The following TP63 variants were observed in gnomAD, a reference collection of about 807,000 sequenced individuals.
TP63 encodes tumor protein 63.
A neutral mutation model predicts 82.8 loss-of-function variants in TP63; 17 were observed. The observed-to-expected ratio is 0.21, with a 90% CI of 0.14 to 0.31. The LOEUF is 0.31. Among genes scored for constraint, TP63 ranks in the 10% least tolerant of loss-of-function variants. The pLI is 1.00. For missense variants in TP63, 648 were observed against 895.3 expected, an observed-to-expected ratio of 0.72 and a Z score of 3.52; for synonymous variants, 330 against 321.7, an observed-to-expected ratio of 1.03 and a Z score of -0.28.
At chr3:189,781,215 T>A (rs558741830) in intron 3 of TP63, among the ~76,000 whole-genome samples, 4 of 152,312 alleles carry the variant, frequency 2.6e-5, no homozygotes, top group Non-Finnish European at 5.9e-5. Context: ...CACATTTACA[T>A]ATACCATTTC....
At chr3:189,714,536 G>A (rs1465611791) in intron 1 of TP63, among the ~76,000 whole-genome samples, 3 of 152,172 alleles carry the variant, frequency 2.0e-5, no homozygotes, top group Non-Finnish European at 4.4e-5. Context: ...TTTCTTTTCT[G>A]TCCATCCTAG....
chr3:189,652,447 A>G (rs1712975193), intron 1 of TP63, among the ~76,000 whole-genome samples: 1 of 146,922 alleles, frequency 6.8e-6, no homozygotes, highest in Non-Finnish European at 1.5e-5. Context: ...CAATGCCTGT[A>G]CCCTTATTGT....
chr3:189,602,010 A>G, the TP63 span, among the ~76,000 whole-genome samples: 1 of 152,164 alleles, frequency 6.6e-6, no homozygotes, highest in African/African-American at 2.4e-5. Context: ...GTGAGTGTGA[A>G]AGAGTGGGAA....
chr3:189,814,718 G>A (rs1174689155), intron 4 of TP63, among the ~76,000 whole-genome samples: 3 of 152,274 alleles, frequency 2.0e-5, no homozygotes, highest in South Asian at 4.1e-4. Context: ...TTCATTGTAA[G>A]GCATGCTTCC....
intron 3 of TP63, among the ~76,000 whole-genome samples, chr3:189,776,826 C>T (rs536269485): frequency 2.0e-5 from 3 of 152,260 alleles, no homozygotes; most frequent in South Asian, 2.1e-4. Flanking sequence ...CACTTCTCTA[C>T]GCAGGATAAG....
rs78145285 is a variant in TP63, at chr3:189,871,712, A to G, written c.1213-1147A>G. ...CCTCACTCTAGTCCTGGCCCGGCTC[A>G]TCCGTTTTTTTGGTTTTTGTTTGTT... On this transcript the variant is annotated intron_variant, in intron 9 of 13. Coordinates refer to ENST00000264731, the MANE Select transcript of TP63 (RefSeq NM_003722.5). 1.0e-3 allele frequency among the ~76,000 whole-genome samples: 155 copies of G among 152,166 alleles called. 2 individuals carry two copies. Among genetic ancestry groups the G allele is most frequent in the African/African-American group, 3.6e-3 (148 of 41,530 alleles).
intron 1 of TP63, among the ~76,000 whole-genome samples, chr3:189,698,488 G>C (rs73195990): frequency 0.17 from 25,442 of 152,046 alleles, 2,726 homozygotes; most frequent in Non-Finnish European, 0.23. Context: ...AGGGGGAATA[G>C]AGAATGTAAT....
chr3:189,670,292 A>G (rs1307264088), intron 1 of TP63, among the ~76,000 whole-genome samples: 1 of 152,032 alleles, frequency 6.6e-6, no homozygotes, highest in African/African-American at 2.4e-5. Flanking sequence ...GGTACAGAAG[A>G]TCCAAACAAC....
At chr3:189,809,279 T>C (rs1727275376) in intron 4 of TP63, among the ~76,000 whole-genome samples, 1 of 152,152 alleles carries the variant, frequency 6.6e-6, no homozygotes, top group South Asian at 2.1e-4. Context: ...ATTAGGAAGA[T>C]ACAAGAATTA....
At chr3:189,849,749 G>C (rs1715386027) in intron 4 of TP63, among the ~76,000 whole-genome samples, 2 of 151,990 alleles carry the variant, frequency 1.3e-5, no homozygotes, top group African/African-American at 4.8e-5. Flanking sequence ...GCCAGGACAA[G>C]GACTGGCATG....
At chr3:189,685,087 G>C (rs1716326073) in intron 1 of TP63, among the ~76,000 whole-genome samples, 5 of 152,114 alleles carry the variant, frequency 3.3e-5, no homozygotes, top group Admixed American at 3.3e-4. Context: ...AATAGAATGT[G>C]GTGGAAATTC....
intron 1 of TP63, among the ~76,000 whole-genome samples, chr3:189,695,864 T>C (rs1414662116): frequency 6.6e-6 from 1 of 152,198 alleles, no homozygotes; most frequent in Admixed American, 6.5e-5. Flanking sequence ...GTACAGTGCT[T>C]ATATATCGTT....
chr3:189,730,840 C>A (rs1174601954), intron 1 of TP63, among the ~76,000 whole-genome samples: 1 of 152,180 alleles, frequency 6.6e-6, no homozygotes, highest in East Asian at 1.9e-4. Context: ...AGCTTCTGGT[C>A]TGCATCACTA....
At chr3:189,602,847 CTTTAATGGCATAGAGCTAGTGTTCTATG>C in the TP63 span, among the ~76,000 whole-genome samples, 23 of 152,238 alleles carry the variant, frequency 1.5e-4, no homozygotes, top group Admixed American at 2.6e-4. Flanking sequence ...ACAGGCATCA[CTTTAATGGCATAGAGCTAGTGTTCTATG>C]TTTAATGGCA....
At chr3:189,798,580 T>C (rs2108613744) in intron 3 of TP63, among the ~76,000 whole-genome samples, 1 of 152,210 alleles carries the variant, frequency 6.6e-6, no homozygotes, top group East Asian at 1.9e-4. Flanking sequence ...ACTGTTCCCT[T>C]GATTCAGTTT....
chr3:189,641,124 A>C (rs1168029563), intron 1 of TP63, among the ~76,000 whole-genome samples: 1 of 152,144 alleles, frequency 6.6e-6, no homozygotes, highest in Non-Finnish European at 1.5e-5. Context: ...GTTCACTTTC[A>C]TTGTAAACTT....
intron 1 of TP63, among the ~76,000 whole-genome samples, chr3:189,730,506 A>G (rs755009054): frequency 6.6e-6 from 1 of 152,256 alleles, no homozygotes; most frequent in East Asian, 1.9e-4. Context: ...GGAGCCACAT[A>G]TGTAATTTAG....
At chr3:189,890,934 T>C in intron 13 of TP63, 52 bp downstream of exon 13, 4 of 1,562,490 alleles carry the variant, frequency 2.6e-6, no homozygotes, top group Non-Finnish European at 3.5e-6. Context: ...TTCTTTCCTC[T>C]GATGACAACC....
At chr3:189,763,171 G>A (rs910469294) in intron 3 of TP63, among the ~76,000 whole-genome samples, 1 of 152,122 alleles carries the variant, frequency 6.6e-6, no homozygotes, top group Admixed American at 6.5e-5. Context: ...CTACTAAGGA[G>A]GCTGAGATGG....
Sources: gnomAD v4.1 joint callset for allele counts (sites outside exome capture counted in the v4.1 genomes callset) on GRCh38, gnomAD v4.1.1 for gene constraint, MANE v1.5 for transcripts, NCBI Gene and HGNC (gene_info 2026-07-23, HGNC 2026-07-21) for gene names.